Variants in DUSP22 observed in about 807,000 individuals in gnomAD.
The protein encoded by DUSP22 is dual specificity phosphatase 22, also known as dual specificity protein phosphatase 22.
DUSP22 carries 24 observed loss-of-function variants against 24.5 expected under a neutral mutation model. The ratio of observed to expected loss-of-function variants is 0.98; its 90% confidence interval spans 0.71 to 1.38. The LOEUF is 1.38. DUSP22 is among the 40% of genes most tolerant of loss of function. DUSP22 has a pLI of 0.00. For synonymous variants in DUSP22, 160 were observed against 106.4 expected, an observed-to-expected ratio of 1.50 and a Z score of -3.10; for missense variants, 330 against 269.2, an observed-to-expected ratio of 1.23 and a Z score of -1.58.
At chr6:328,326 A>C (rs926400056) in intron 3 of DUSP22, among the ~76,000 whole-genome samples, 1 of 152,306 alleles carries the variant, frequency 6.6e-6, no homozygotes, top group Admixed American at 6.5e-5. Context: ...AATCTCCCTC[A>C]CTGCCTTCCC....
chr6:337,503 G>GGA (rs1759410706), intron 4 of DUSP22, among the ~76,000 whole-genome samples: 1 of 152,306 alleles, frequency 6.6e-6, no homozygotes, highest in African/African-American at 2.4e-5. Context: ...GAGGGACAGG[G>GGA]GAGACAGAGA....
At chr6:344,981 T>TG (rs1240838995) in intron 4 of DUSP22, among the ~76,000 whole-genome samples, 2 of 152,292 alleles carry the variant, frequency 1.3e-5, no homozygotes, top group African/African-American at 4.8e-5. Flanking sequence ...CGATTGAACA[T>TG]GGGGGGCGCC....
chr6:330,983 T>C (rs1371244381), intron 3 of DUSP22, among the ~76,000 whole-genome samples: 1 of 152,308 alleles, frequency 6.6e-6, no homozygotes, highest in Admixed American at 6.5e-5. Flanking sequence ...TCCTTACTTC[T>C]TCCCCCTTTT....
chr6:328,079 A>G (rs1257274948), intron 3 of DUSP22, among the ~76,000 whole-genome samples: 2 of 152,306 alleles, frequency 1.3e-5, no homozygotes, highest in African/African-American at 4.8e-5. Flanking sequence ...ACGTACAGAG[A>G]ACACTCCTAG....
intron 5 of DUSP22, among the ~76,000 whole-genome samples, chr6:347,106 G>A (rs1759922263): frequency 6.6e-6 from 1 of 152,304 alleles, no homozygotes; most frequent in African/African-American, 2.4e-5. Context: ...TTCAATTGGA[G>A]CCAATTAAAG....
intron 1 of DUSP22, among the ~76,000 whole-genome samples, chr6:296,503 A>T (rs1286331906): frequency 6.6e-6 from 1 of 152,300 alleles, no homozygotes; most frequent in Non-Finnish European, 1.5e-5. Flanking sequence ...TGGTAAGATT[A>T]GGGTTAAACT....
intron 3 of DUSP22, among the ~76,000 whole-genome samples, chr6:319,770 A>T (rs1382382329): frequency 1.3e-5 from 2 of 152,308 alleles, no homozygotes; most frequent in Non-Finnish European, 2.9e-5. Context: ...AGCACACCTC[A>T]GTTGTTTTCA....
Position 345,866 on chromosome 6 carries a change from C to T in DUSP22, c.201C>T (p.Phe67=), listed in dbSNP as rs1234723724. 1 of 1,614,102 alleles carries T rather than the reference C, an allele frequency of 6.2e-7. No individual in the cohort carries two copies. The highest frequency in any genetic ancestry group is 1.7e-5 in the Admixed American group (1 of 60,016). ...DSPSQNLTRH[F]KESIKFIHEC... ...TTTCTTTTCCCAGGACAAGACATTTCAAAGAAAGTATTAAATTCATTCACG... is the reference window on the plus strand; with the variant it reads ...TTTCTTTTCCCAGGACAAGACATTTTAAAGAAAGTATTAAATTCATTCACG... The change falls in exon 5 of 7, where the codon TTC becomes TTT. Residue 67 remains phenylalanine, a synonymous_variant. Coordinates refer to ENST00000419235, the MANE Select transcript of DUSP22 (RefSeq NM_001286555.3).
rs1760187374 is a variant in DUSP22, at chr6:351,030, A to T, written c.*2079A>T. ...GTCATGTTTATGTTGAGAACTAAGG[A>T]TATTCTTTAGCAAGAGAAAATATTT... On this transcript the variant is annotated 3_prime_UTR_variant, in exon 7 of 7. Coordinates refer to ENST00000419235, the MANE Select transcript of DUSP22 (RefSeq NM_001286555.3). 3 of 1,082,734 alleles carry T rather than the reference A, an allele frequency of 2.8e-6. No individual in the cohort carries two copies. The highest frequency in any genetic ancestry group is 3.2e-5 in the African/African-American group (2 of 63,354). 67.1% of individuals were successfully genotyped at this position (1,082,734 alleles called of 1,614,324 possible). A position where few individuals can be genotyped will look rare whatever the true frequency, so the allele number is the denominator to read the frequency against.
At chr6:299,294 G>A (rs567163215) in intron 1 of DUSP22, among the ~76,000 whole-genome samples, 1,115 of 152,030 alleles carry the variant, frequency 7.3e-3, no homozygotes, top group Middle Eastern at 0.014. Flanking sequence ...TGGTTCCCAG[G>A]TCTCCTCTAT....
chr6:309,421 A>G (rs1216968411), intron 2 of DUSP22, among the ~76,000 whole-genome samples: 1 of 152,302 alleles, frequency 6.6e-6, no homozygotes, highest in Non-Finnish European at 1.5e-5. Context: ...GAAGCTCGAA[A>G]ATTTGAATCT....
At chr6:316,976 T>A (rs1758364550) in intron 3 of DUSP22, among the ~76,000 whole-genome samples, 1 of 152,310 alleles carries the variant, frequency 6.6e-6, no homozygotes, top group African/African-American at 2.4e-5. Context: ...GTGTGAACCA[T>A]TTATGGTGTT....
chr6:306,600 A>G (rs1356541941), intron 2 of DUSP22, among the ~76,000 whole-genome samples: 1 of 152,304 alleles, frequency 6.6e-6, no homozygotes, highest in African/African-American at 2.4e-5. Context: ...CGTTAGCCAA[A>G]TATTTATTAA....
At chr6:338,709 A>G (rs370611757) in intron 4 of DUSP22, among the ~76,000 whole-genome samples, 145 of 152,346 alleles carry the variant, frequency 9.5e-4, no homozygotes, top group African/African-American at 3.3e-3. Context: ...CTGGAAAACT[A>G]TGTTGCTCAT....
At chr6:345,969 G>T (rs751615989) in intron 5 of DUSP22, 41 bp downstream of exon 5, 391 of 1,608,366 alleles carry the variant, frequency 2.4e-4, no homozygotes, top group Non-Finnish European at 3.2e-4. Flanking sequence ...AGCGTATTCT[G>T]GTCGGCTTGG....
chr6:335,278 C>A (rs1478677462), intron 4 of DUSP22, 115 bp downstream of exon 4: 3 of 1,342,296 alleles, frequency 2.2e-6, no homozygotes, highest in South Asian at 2.4e-5. Context: ...CCCTTGCTGA[C>A]CCTGCCAGGG....
At chr6:346,511 C>T (rs554181965) in intron 5 of DUSP22, among the ~76,000 whole-genome samples, 100 of 152,366 alleles carry the variant, frequency 6.6e-4, no homozygotes, top group Admixed American at 1.3e-3. Context: ...GCATCTGAAG[C>T]GCTTGGCAGT....
intron 3 of DUSP22, among the ~76,000 whole-genome samples, chr6:324,432 A>G (rs1211177183): frequency 6.6e-6 from 1 of 152,276 alleles, no homozygotes; most frequent in Non-Finnish European, 1.5e-5. Context: ...CGCGGAGCAC[A>G]GGAATGCAGC....
intron 2 of DUSP22, among the ~76,000 whole-genome samples, chr6:306,760 G>T (rs1360908506): frequency 6.6e-6 from 1 of 152,306 alleles, no homozygotes; most frequent in African/African-American, 2.4e-5. Context: ...ACGATGTGCT[G>T]GGAGTTGAAT....
Sources: allele counts gnomAD v4.1 joint callset (sites outside exome capture counted in the v4.1 genomes callset), GRCh38; gene constraint gnomAD v4.1.1; transcripts MANE v1.5; gene names NCBI Gene and HGNC (gene_info 2026-07-23, HGNC 2026-07-21).